Variants in CCS observed in about 807,000 individuals in gnomAD.
CCS encodes the protein copper chaperone for superoxide dismutase.
CCS carries 32 observed loss-of-function variants against 35.5 expected under a neutral mutation model. The observed-to-expected ratio is 0.90, with a 90% CI of 0.68 to 1.21. The LOEUF (loss-of-function observed/expected upper bound fraction) is 1.21. Among genes scored for constraint, CCS ranks in the 50% most tolerant of loss-of-function variants. The probability of loss-of-function intolerance (pLI) is 0.00; values close to 1 mark genes in which losing one functional copy is unlikely to be tolerated. For missense variants in CCS, 342 were observed against 375.4 expected (o/e 0.91, Z 0.73); for synonymous variants, 130 against 147.2 (o/e 0.88, Z 0.84).
Position 66,600,485 on chromosome 11 carries a change from T to A in CCS, c.429-4T>A. ...CCTGCCCACCTGTTTCCTTTCTTTC[T>A]TAGCTGTGGGAATCACTTTAACCCT... On this transcript the variant is annotated splice_region_variant and splice_polypyrimidine_tract_variant and intron_variant, in intron 4 of 7. Transcript: ENST00000533244. 1 of 1,537,906 alleles carries A rather than the reference T, an allele frequency of 6.5e-7. No homozygotes were observed. Among genetic ancestry groups the A allele is most frequent in the Non-Finnish European group, 8.8e-7 (1 of 1,139,362 alleles).
At chr11:66,596,528 C>T (rs540427059) in intron 2 of CCS, among the ~76,000 whole-genome samples, 5 of 152,170 alleles carry the variant, frequency 3.3e-5, no homozygotes, top group South Asian at 2.1e-4. Context: ...TACAGGCGCC[C>T]GCCACCATGC....
rs762921503 is a variant in CCS, at chr11:66,599,637, G to T, written c.428+1G>T. On this transcript the variant is annotated splice_donor_variant, in intron 4 of 7. Transcript: ENST00000533244. LOFTEE classifies it high-confidence loss of function. ...GGGACCTTACAAACAACTGCAACAG[G>T]TGAGTTGTCTGAAGTCTCCCCAGTA... 5 of 1,611,604 alleles carry T rather than the reference G, an allele frequency of 3.1e-6. No homozygotes were observed. The highest frequency in any genetic ancestry group is 4.2e-6 in the Non-Finnish European group (5 of 1,179,028).
At chr11:66,597,644 C>T (rs113455207) in intron 2 of CCS, among the ~76,000 whole-genome samples, 2 of 150,518 alleles carry the variant, frequency 1.3e-5, no homozygotes, top group Non-Finnish European at 3.0e-5. Flanking sequence ...CCCTGCTACT[C>T]GGGAGGCTGA....
chr11:66,605,664 A>G, intron 7 of CCS, 38 bp from the exon 8 acceptor site: 1 of 1,578,756 alleles, frequency 6.3e-7, no homozygotes, highest in Non-Finnish European at 8.6e-7. Context: ...GGTGGGGGCC[A>G]AACAGGTACC....
chr11:66,599,685 A>G, intron 4 of CCS, 49 bp downstream of exon 4: 1 of 1,548,474 alleles, frequency 6.5e-7, no homozygotes, highest in Non-Finnish European at 8.8e-7. Context: ...ACACATTTTC[A>G]CACTGGGCCC....
At chr11:66,605,625 C>G in intron 7 of CCS, 33 bp downstream of exon 7, 2 of 1,603,788 alleles carry the variant, frequency 1.2e-6, no homozygotes, top group South Asian at 1.1e-5. Flanking sequence ...GGAGGCTGTG[C>G]TCTGCGGATG....
chr11:66,603,454 T>C (rs1858601050), intron 5 of CCS, among the ~76,000 whole-genome samples: 1 of 152,146 alleles, frequency 6.6e-6, no homozygotes, highest in South Asian at 2.1e-4. Context: ...CTCATGCCTG[T>C]AATCCCAGCA....
chr11:66,593,344 C>G, intron 1 of CCS, 44 bp downstream of exon 1: 1 of 1,480,618 alleles, frequency 6.8e-7, no homozygotes, highest in Non-Finnish European at 9.0e-7. Context: ...GGCAGAGAGC[C>G]TCGGCCCCTG....
chr11:66,599,713 G>A (rs995340534), intron 4 of CCS, 77 bp downstream of exon 4: 7 of 1,368,928 alleles, frequency 5.1e-6, no homozygotes, highest in Admixed American at 2.2e-5. Context: ...TACTCTGTGA[G>A]GCACATACAC....
chr11:66,596,380 CTTTTT>C (rs763924445), intron 2 of CCS, among the ~76,000 whole-genome samples: 1 of 137,036 alleles, frequency 7.3e-6, no homozygotes, highest in Non-Finnish European at 1.6e-5. Context: ...TGACAACTGA[CTTTTT>C]TTTTTTTTTT....
At chr11:66,602,532 C>T (rs188290316) in intron 5 of CCS, among the ~76,000 whole-genome samples, 1 of 152,362 alleles carries the variant, frequency 6.6e-6, no homozygotes, top group Admixed American at 6.5e-5. Flanking sequence ...AGAAGTGACA[C>T]TAGGTCCAGC....
At chr11:66,605,289 T>G (rs762579410) in intron 5 of CCS, 50 bp from the exon 6 acceptor site, 1 of 1,610,822 alleles carries the variant, frequency 6.2e-7, no homozygotes, top group Non-Finnish European at 8.5e-7. Context: ...GATAGCAGCT[T>G]GGCACCACGT....
intron 5 of CCS, among the ~76,000 whole-genome samples, chr11:66,601,774 A>G (rs1279154720): frequency 6.6e-6 from 1 of 151,224 alleles, no homozygotes; most frequent in African/African-American, 2.4e-5. Flanking sequence ...GGGTGTCACT[A>G]TGTTCCTCAG....
Position 66,605,598 on chromosome 11 carries a change from T to C in CCS, c.671+6T>C, listed in dbSNP as rs760138119. On this transcript the variant is annotated splice_donor_region_variant and intron_variant, in intron 7 of 7. Coordinates refer to ENST00000533244, the MANE Select transcript of CCS (RefSeq NM_005125.2). ...ACAGGGAACTCCGGGGAGAGGTGAG[T>C]GGTGTCGGCCCCTGTAGGAGGCTGT... 1 of 1,611,838 alleles carries C rather than the reference T, an allele frequency of 6.2e-7. No individual in the cohort carries two copies. The highest frequency in any genetic ancestry group is 8.5e-7 in the Non-Finnish European group (1 of 1,178,962).
intron 2 of CCS, among the ~76,000 whole-genome samples, chr11:66,597,463 GAAA>G (rs1230125594): frequency 1.5e-5 from 2 of 135,496 alleles, no homozygotes; most frequent in African/African-American, 5.5e-5. Context: ...ATTTCAAAAA[GAAA>G]AAAAGGCCAG....
Position 66,599,003 on chromosome 11 carries a change from C to T in CCS, c.113-113C>T, listed in dbSNP as rs181584368. On this transcript the variant is annotated intron_variant, in intron 2 of 7. Coordinates refer to ENST00000533244, the MANE Select transcript of CCS (RefSeq NM_005125.2). ...CAGTTACGAAGTAGCTTGCCTCTGACCATGGGAAGTTTGGTGGAAATGGGG... is the reference window on the plus strand; with the variant it reads ...CAGTTACGAAGTAGCTTGCCTCTGATCATGGGAAGTTTGGTGGAAATGGGG... The T allele has an allele frequency of 2.9e-4, 379 of 1,322,554 alleles. 2 individuals are homozygous for T. The highest frequency in any genetic ancestry group is 3.5e-5 in the Non-Finnish European group (33 of 931,388). The allele number at this position is 1,322,554 out of a possible 1,614,324, so 81.9% of individuals were successfully genotyped here.
At chr11:66,593,354 G>C (rs1377636237) in intron 1 of CCS, 54 bp downstream of exon 1, 1 of 1,456,200 alleles carries the variant, frequency 6.9e-7, no homozygotes, top group Admixed American at 2.6e-5. Context: ...CTCGGCCCCT[G>C]GGATGATCGT....
In CCS at chr11:66,600,532, C is replaced by T. The variant is rs989474920; in HGVS notation, c.472C>T (p.Pro158Ser). The T allele has an allele frequency of 3.9e-6, 6 of 1,526,240 alleles. No homozygotes were observed. The Admixed American group carries it at 5.9e-5, about 15-fold the overall frequency. 94.5% of individuals were successfully genotyped at this position (1,526,240 alleles called of 1,614,324 possible). Residue 158 changes from proline (P) to serine (S), a missense_variant, in exon 5 of 8, where the codon CCC (proline) becomes TCC (serine). Pro to Ser is a moderately conservative substitution (Grantham distance 74). Transcript: ENST00000533244. ...CCCTGATGGAGCATCTCATGGGGGC[C>T]CCCAGGACTCTGACCGGGTAAGTGT... ...FNPDGASHGG[P>S]QDSDRHRGDL... is the part of the protein sequence containing the mutation.
chr11:66,599,217 C>T lies in CCS; in HGVS notation c.214C>T (p.Gln72Ter). ...VQALLEGTGR[Q>*]AVLKGMGSGQ... ...GGCTCTCCTGGAAGGCACGGGGCGG[C>T]AGGCGGTACTCAAGGGCATGGGCAG... The change falls in exon 3 of 8, where the codon CAG becomes TAG. Residue 72 changes from glutamine (Q) to a stop codon, truncating the protein, a stop_gained. Transcript: ENST00000533244. LOFTEE classifies it high-confidence loss of function. 1 of 1,612,658 alleles carries T rather than the reference C, an allele frequency of 6.2e-7. No individual in the cohort carries two copies. Among genetic ancestry groups the T allele is most frequent in the Non-Finnish European group, 8.5e-7 (1 of 1,179,398 alleles).
Sources: allele counts gnomAD v4.1 joint callset (sites outside exome capture counted in the v4.1 genomes callset), GRCh38; gene constraint gnomAD v4.1.1; transcripts MANE v1.5; gene names NCBI Gene and HGNC (gene_info 2026-07-23, HGNC 2026-07-21).